NAV1: variants seen among roughly 807,000 people sequenced by gnomAD.
The protein encoded by NAV1 is neuron navigator 1, also known as pore membrane and/or filament interacting like protein 3.
Under a neutral mutation model 175.2 loss-of-function variants are expected in NAV1, and 18 were observed. The observed-to-expected ratio is 0.10, with a 90% CI of 0.07 to 0.15. The LOEUF is 0.15. Ranked by LOEUF, NAV1 falls within the 10% of genes least tolerant of loss-of-function variation. The probability of loss-of-function intolerance (pLI) is 1.00; values close to 1 mark genes in which losing one functional copy is unlikely to be tolerated. For synonymous variants in NAV1, 897 were observed against 978.7 expected (o/e 0.92, Z 1.56); for missense variants, 1,731 against 2,436.6 (o/e 0.71, Z 6.10).
At chr1:201,622,975 C>G in exon 1 of NAV1, 1 of 986,294 alleles carries the variant, frequency 1.0e-6, no homozygotes, top group Non-Finnish European at 1.2e-6. Flanking sequence ...GACCAGGATT[C>G]CTACACCGGG....
At chr1:201,769,742 A>C (rs1165016220) in intron 3 of NAV1, among the ~76,000 whole-genome samples, 1 of 152,202 alleles carries the variant, frequency 6.6e-6, no homozygotes, top group Non-Finnish European at 1.5e-5. Context: ...GGAAGTAAAA[A>C]TAATTATAAG....
At position 201,788,573 on chromosome 1, in the gene NAV1, T is replaced by A; in HGVS notation, c.3101T>A (p.Leu1034Gln). ...AGCGGCTCCCAAATGGGGAGCACCC[T>A]GTCCCTGGCCGAGAGACCCAAGGGA... The change falls in exon 10 of 30, where the codon CTG (leucine) becomes CAG (glutamine). Residue 1034 changes from leucine to glutamine, a missense_variant. By Grantham distance (113) the Leu-to-Gln change is moderately radical. Around this residue, in one of 13 missense-constraint regions of NAV1, gnomAD observed 634 missense variants for 766.8 expected, o/e 0.83. Coordinates refer to ENST00000367296, the Ensembl canonical transcript of NAV1. The surrounding 1 kb of genome is among the most constrained non-coding windows in gnomAD (Gnocchi z 5.7). 1 of 1,614,128 alleles carries A rather than the reference T, an allele frequency of 6.2e-7. No homozygotes were observed. Among genetic ancestry groups the A allele is most frequent in the Non-Finnish European group, 8.5e-7 (1 of 1,180,016 alleles).
chr1:201,779,598 CAAAAAAAAAAAAAA>C (rs10624879), intron 3 of NAV1, among the ~76,000 whole-genome samples: 1 of 69,076 alleles, frequency 1.4e-5, no homozygotes, highest in Non-Finnish European at 2.4e-5. Context: ...GACTCCGTCT[CAAAAAAAAAAAAAA>C]AAAAAAAAAG....
At chr1:201,558,437 G>A (rs1043059786) in intron 1 of NAV1, among the ~76,000 whole-genome samples, 2 of 152,126 alleles carry the variant, frequency 1.3e-5, no homozygotes, top group African/African-American at 2.4e-5. Flanking sequence ...ATTTGTCTGG[G>A]ATCTAGGTGT....
In NAV1 at chr1:201,583,356, GCCAACCCTTTTTC is replaced by G. The variant is rs1339045584; in HGVS notation, c.-143-5179_-143-5167del. On this transcript the variant is annotated intron_variant, in intron 1 of 33. Transcript: ENST00000685211. ...GTTAATTGTCCAAGCCCTCCAACAA[GCCAACCCTTTTTC>G]CCATCTGCAATTAAGACAAAAAGCT... is the stretch of plus-strand genomic sequence containing the variant. Among the ~76,000 whole-genome samples, 3 of 152,276 alleles carry G rather than the reference GCCAACCCTTTTTC, an allele frequency of 2.0e-5. 1 individual carries two copies. The highest frequency in any genetic ancestry group is 7.2e-5 in the African/African-American group (3 of 41,474).
At chr1:201,680,441 G>A (rs1260018071) in intron 1 of NAV1, among the ~76,000 whole-genome samples, 1 of 152,168 alleles carries the variant, frequency 6.6e-6, no homozygotes, top group Admixed American at 6.5e-5. Context: ...GGGAGGTGGA[G>A]GTTGTGGTGA....
chr1:201,603,618 C>T (rs1667584702), intron 2 of NAV1, among the ~76,000 whole-genome samples: 1 of 152,182 alleles, frequency 6.6e-6, no homozygotes, highest in Non-Finnish European at 1.5e-5. Context: ...CCAGGTATCA[C>T]TGAACCCTTC....
Position 201,718,369 on chromosome 1 carries a change from T to C in NAV1, c.861-21T>C, listed in dbSNP as rs1672225708. 25 of 1,516,824 alleles carry C rather than the reference T, an allele frequency of 1.6e-5. No homozygotes were observed. The highest frequency in any genetic ancestry group is 1.8e-5 in the Non-Finnish European group (20 of 1,129,522). 94.0% of individuals were successfully genotyped at this position (1,516,824 alleles called of 1,614,324 possible). On this transcript the variant is annotated intron_variant, in intron 2 of 29. Coordinates refer to ENST00000367296, the Ensembl canonical transcript of NAV1. The surrounding 1 kb of genome is among the most constrained non-coding windows in gnomAD (Gnocchi z 4.8). ...GGCGGCTGTGCCAAGGACTAAGTAG[T>C]GCCTTCTGCTCTCCACCCAGCTCCC...
At chr1:201,797,772 C>G (rs967796352) in intron 15 of NAV1, 1 of 152,132 alleles carries the variant, frequency 6.6e-6, no homozygotes, top group African/African-American at 2.4e-5. Context: ...CTTAATTTCT[C>G]TTTTGAGTTA....
intron 1 of NAV1, among the ~76,000 whole-genome samples, chr1:201,689,742 T>A (rs1031690767): frequency 2.6e-5 from 4 of 152,198 alleles, no homozygotes; most frequent in African/African-American, 9.7e-5. Flanking sequence ...TTTTATTAAA[T>A]ACAACAACAA....
chr1:201,653,603 T>C (rs1669289721), intron 1 of NAV1, among the ~76,000 whole-genome samples: 1 of 152,196 alleles, frequency 6.6e-6, no homozygotes, highest in South Asian at 2.1e-4. Context: ...GTTTTCCTTT[T>C]TATTCAGTGC....
intron 1 of NAV1, among the ~76,000 whole-genome samples, chr1:201,569,685 G>A (rs1427003718): frequency 6.6e-6 from 1 of 152,236 alleles, no homozygotes; most frequent in Admixed American, 6.5e-5. Flanking sequence ...GCTGCACACA[G>A]AGAGGGGCCC....
At chr1:201,727,228 C>A (rs1461718413) in intron 3 of NAV1, among the ~76,000 whole-genome samples, 1 of 152,216 alleles carries the variant, frequency 6.6e-6, no homozygotes, top group African/African-American at 2.4e-5. Flanking sequence ...AGCTACTGGA[C>A]CTAAGTTGTC....
In NAV1 at chr1:201,788,902, A is replaced by G. The variant is rs935986839; in HGVS notation, c.3166+264A>G. ...GGGAAATTGAGCATGGAAGGGTTAA[A>G]TGGCATCCCTCAGGATGCTCTGAAA... is the stretch of plus-strand genomic sequence containing the variant. On this transcript the variant is annotated intron_variant, in intron 10 of 29. Coordinates refer to ENST00000367296, the Ensembl canonical transcript of NAV1. The surrounding 1 kb of genome is among the most constrained non-coding windows in gnomAD (Gnocchi z 5.7). 1.3e-5 allele frequency among the ~76,000 whole-genome samples: 2 copies of G among 152,156 alleles called. No homozygotes were observed. The highest frequency in any genetic ancestry group is 2.9e-5 in the Non-Finnish European group (2 of 68,020).
chr1:201,745,099 A>T (rs1673685925), intron 3 of NAV1, among the ~76,000 whole-genome samples: 1 of 152,232 alleles, frequency 6.6e-6, no homozygotes, highest in Non-Finnish European at 1.5e-5. Context: ...GTGAGAATTC[A>T]TCCTCAGCCT....
intron 1 of NAV1, among the ~76,000 whole-genome samples, chr1:201,650,457 G>A (rs1317291194): frequency 6.6e-6 from 1 of 152,198 alleles, no homozygotes; most frequent in African/African-American, 2.4e-5. Flanking sequence ...GACTTGTTGC[G>A]GTGGCTGGGT....
intron 1 of NAV1, among the ~76,000 whole-genome samples, chr1:201,577,095 C>A (rs1666712302): frequency 6.6e-6 from 1 of 152,168 alleles, no homozygotes; most frequent in Non-Finnish European, 1.5e-5. Context: ...TCAAGCAATC[C>A]TCCCATCTTA....
At chr1:201,635,998 T>G (rs1334702696) in intron 2 of NAV1, among the ~76,000 whole-genome samples, 1 of 152,238 alleles carries the variant, frequency 6.6e-6, no homozygotes, top group African/African-American at 2.4e-5. Context: ...GCGGAACTAT[T>G]TGCTAAACTT....
chr1:201,559,978 G>C (rs1666150004), intron 1 of NAV1, among the ~76,000 whole-genome samples: 1 of 152,184 alleles, frequency 6.6e-6, no homozygotes, highest in African/African-American at 2.4e-5. Context: ...AAGAAAGTTG[G>C]GGTGAGAGGC....
Sources: allele counts gnomAD v4.1 joint callset (sites outside exome capture counted in the v4.1 genomes callset), GRCh38; gene constraint gnomAD v4.1.1; regional missense constraint gnomAD v4.1.1; non-coding constraint Gnocchi (gnomAD v3.1); transcripts MANE v1.5; gene names NCBI Gene and HGNC (gene_info 2026-07-23, HGNC 2026-07-21).